Variants in WDPCP observed in about 807,000 individuals in gnomAD.
WDPCP encodes the protein WD repeat-containing and planar cell polarity effector protein fritz homolog.
A neutral mutation model predicts 93.1 loss-of-function variants in WDPCP; 71 were observed. That is an observed-to-expected ratio of 0.76 (90% CI 0.63 to 0.93). The LOEUF (loss-of-function observed/expected upper bound fraction) is 0.93. Ranked by LOEUF, WDPCP falls within the 40% of genes least tolerant of loss-of-function variation. The pLI is 0.00. For synonymous variants in WDPCP, 315 were observed against 315.0 expected, an observed-to-expected ratio of 1.00 and a Z score of 0.00; for missense variants, 844 against 887.4, an observed-to-expected ratio of 0.95 and a Z score of 0.62.
chr2:63,519,271 C>G (rs1272206431), intron 1 of WDPCP: 1 of 152,408 alleles, frequency 6.6e-6, no homozygotes, highest in African/African-American at 2.4e-5. Context: ...GCCACTGCCA[C>G]CCGCAGGAAC....
chr2:63,379,201 G>T (rs1692101034), intron 11 of WDPCP, among the ~76,000 whole-genome samples: 1 of 152,056 alleles, frequency 6.6e-6, no homozygotes, highest in Non-Finnish European at 1.5e-5. Context: ...ATGGGACTAG[G>T]TTTTTTCCCA....
intron 3 of WDPCP, among the ~76,000 whole-genome samples, chr2:63,618,880 G>T (rs747788590): frequency 1.3e-5 from 2 of 152,002 alleles, no homozygotes; most frequent in Non-Finnish European, 2.9e-5. Flanking sequence ...GTAGAGACAG[G>T]GTTTCTCCAT....
At chr2:63,164,525 C>G (rs1217709591) in intron 15 of WDPCP, among the ~76,000 whole-genome samples, 1 of 152,110 alleles carries the variant, frequency 6.6e-6, no homozygotes. Context: ...TGCTGGCTCC[C>G]CCTTTGCCTT....
intron 2 of WDPCP, among the ~76,000 whole-genome samples, chr2:63,679,575 T>G (rs1295112306): frequency 6.6e-6 from 1 of 152,136 alleles, no homozygotes; most frequent in Non-Finnish European, 1.5e-5. Flanking sequence ...CTATACAGAT[T>G]TTATAAACCA....
At chr2:63,714,005 A>G (rs1669297855) in intron 2 of WDPCP, among the ~76,000 whole-genome samples, 1 of 151,258 alleles carries the variant, frequency 6.6e-6, no homozygotes, top group Non-Finnish European at 1.5e-5. Context: ...GGAGCAGAGG[A>G]CAGTCAGCTA....
At chr2:63,347,519 G>A (rs1034366906) in intron 12 of WDPCP, among the ~76,000 whole-genome samples, 1 of 152,142 alleles carries the variant, frequency 6.6e-6, no homozygotes, top group Non-Finnish European at 1.5e-5. Context: ...CTTTACCATA[G>A]TGTTGCTCTA....
chr2:63,416,573 G>C (rs1251687266), intron 9 of WDPCP, among the ~76,000 whole-genome samples: 3 of 84,008 alleles, frequency 3.6e-5, no homozygotes, highest in Non-Finnish European at 5.5e-5. Flanking sequence ...GCCCAGGCTG[G>C]AGTGCAATGG....
intron 2 of WDPCP, among the ~76,000 whole-genome samples, chr2:63,681,644 G>T (rs1184712504): frequency 6.6e-6 from 1 of 152,182 alleles, no homozygotes; most frequent in Non-Finnish European, 1.5e-5. Context: ...GGCCTGGCTG[G>T]TTTTGCCATC....
chr2:63,324,437 A>T (rs1336651567), intron 12 of WDPCP, among the ~76,000 whole-genome samples: 1 of 152,118 alleles, frequency 6.6e-6, no homozygotes, highest in Admixed American at 6.6e-5. Context: ...GCTGTAGGGG[A>T]AGGGGAATTT....
At chr2:63,663,658 G>C (rs2106635000) in intron 2 of WDPCP, among the ~76,000 whole-genome samples, 1 of 152,320 alleles carries the variant, frequency 6.6e-6, no homozygotes, top group Non-Finnish European at 1.5e-5. Context: ...AATACAGTTT[G>C]AGAAAGAGGG....
chr2:63,326,600 G>C (rs1029756097), intron 12 of WDPCP, among the ~76,000 whole-genome samples: 2 of 151,900 alleles, frequency 1.3e-5, no homozygotes, highest in East Asian at 1.9e-4. Flanking sequence ...GAAGGAAAGA[G>C]AGAAAGAGAC....
At chr2:63,549,890 G>C (rs1006653409) in intron 1 of WDPCP, among the ~76,000 whole-genome samples, 1 of 151,978 alleles carries the variant, frequency 6.6e-6, no homozygotes, top group Non-Finnish European at 1.5e-5. Context: ...GCTCCAAATA[G>C]TAAGAAAGGG....
At chr2:63,753,444 C>T (rs1386932489) in intron 2 of WDPCP, among the ~76,000 whole-genome samples, 1 of 151,694 alleles carries the variant, frequency 6.6e-6, no homozygotes, top group Non-Finnish European at 1.5e-5. Context: ...ACAGCAACAA[C>T]AAAAAATGAA....
At chr2:63,468,438 C>T (rs1167873722) in intron 6 of WDPCP, among the ~76,000 whole-genome samples, 1 of 152,192 alleles carries the variant, frequency 6.6e-6, no homozygotes, top group Non-Finnish European at 1.5e-5. Context: ...GTCTTACCTC[C>T]ACCCCACAGC....
intron 2 of WDPCP, chr2:63,684,343 T>C: frequency 3.0e-6 from 2 of 672,146 alleles, no homozygotes; most frequent in Non-Finnish European, 5.6e-6. Flanking sequence ...GTGTCGCTTG[T>C]CCTGGCTGGA....
At chr2:63,569,747 C>A (rs1254868229) in intron 1 of WDPCP, among the ~76,000 whole-genome samples, 1 of 152,142 alleles carries the variant, frequency 6.6e-6, no homozygotes, top group Non-Finnish European at 1.5e-5. Context: ...ACTATTTCCC[C>A]CCAAATTCCC....
At chr2:63,661,669 A>G (rs957677006) in intron 2 of WDPCP, among the ~76,000 whole-genome samples, 12 of 152,246 alleles carry the variant, frequency 7.9e-5, no homozygotes, top group Non-Finnish European at 1.3e-4. Context: ...CAATCTATGG[A>G]GATAAATAGC....
intron 15 of WDPCP, chr2:63,168,560 T>C (rs2103957220): frequency 6.6e-6 from 1 of 152,326 alleles, no homozygotes; most frequent in Admixed American, 6.5e-5. Context: ...TAATATTTTA[T>C]AATTTTGTGA....
At chr2:63,142,289 C>G (rs909622923) in intron 17 of WDPCP, among the ~76,000 whole-genome samples, 10 of 152,272 alleles carry the variant, frequency 6.6e-5, no homozygotes, top group African/African-American at 2.4e-4. Context: ...GAACTTTCAT[C>G]TTAGCACCGC....
Sources: allele counts gnomAD v4.1 joint callset (sites outside exome capture counted in the v4.1 genomes callset), GRCh38; gene constraint gnomAD v4.1.1; transcripts MANE v1.5; gene names NCBI Gene and HGNC (gene_info 2026-07-23, HGNC 2026-07-21).